COLEC12: variants seen among roughly 807,000 people sequenced by gnomAD.
The protein encoded by COLEC12 is collectin-12.
In COLEC12, 33 loss-of-function variants were observed where a neutral mutation model predicts 71.1. The ratio of observed to expected loss-of-function variants is 0.46; its 90% confidence interval spans 0.35 to 0.62. The LOEUF is 0.62. Ranked by LOEUF, COLEC12 falls within the 20% of genes least tolerant of loss-of-function variation. The probability of loss-of-function intolerance (pLI) is 0.00; values close to 1 mark genes in which losing one functional copy is unlikely to be tolerated. For missense variants in COLEC12, 765 were observed against 916.1 expected (o/e 0.84, Z 2.13); for synonymous variants, 350 against 353.0 (o/e 0.99, Z 0.10).
intron 2 of COLEC12, among the ~76,000 whole-genome samples, chr18:432,528 T>G (rs542073836): frequency 8.5e-5 from 13 of 152,284 alleles, no homozygotes; most frequent in Admixed American, 7.2e-4. Flanking sequence ...CCAACCTAAT[T>G]GATACATTAG....
At position 468,605 on chromosome 18, in the gene COLEC12, T is replaced by C. The variant is rs146266062; in HGVS notation, c.58+12102A>G. Among the ~76,000 whole-genome samples the C allele has an allele frequency of 3.7e-3, 559 of 152,354 alleles. 4 individuals are homozygous for C. Among genetic ancestry groups the C allele is most frequent in the African/African-American group, 0.013 (538 of 41,582 alleles). The stretch of plus-strand genomic sequence containing the variant: ...AAATGAAATGCTGAACTCATTTTTT[T>C]TGGTAAACTTTAATTCCCCATCTTT... On this transcript the variant is annotated intron_variant, in intron 2 of 9. Coordinates refer to ENST00000400256, the MANE Select transcript of COLEC12 (RefSeq NM_130386.3).
chr18:472,805 G>A (rs1459078469), intron 2 of COLEC12, among the ~76,000 whole-genome samples: 1 of 151,890 alleles, frequency 6.6e-6, no homozygotes, highest in East Asian at 1.9e-4. Flanking sequence ...ATAGGAGGGA[G>A]GGCAGTAAGA....
chr18:478,596 G>C (rs1283157573), intron 2 of COLEC12, among the ~76,000 whole-genome samples: 9 of 152,168 alleles, frequency 5.9e-5, no homozygotes, highest in Admixed American at 5.9e-4. Context: ...CTGAATGACA[G>C]AGCAAGACTC....
chr18:337,221 G>A (rs563991819), intron 5 of COLEC12, among the ~76,000 whole-genome samples: 1 of 151,694 alleles, frequency 6.6e-6, no homozygotes, highest in East Asian at 1.9e-4. Flanking sequence ...GGATAGAAGT[G>A]CTGGAGCAAT....
At chr18:322,765 G>A (rs1331255010) in intron 8 of COLEC12, among the ~76,000 whole-genome samples, 6 of 152,112 alleles carry the variant, frequency 3.9e-5, no homozygotes, top group Non-Finnish European at 8.8e-5. Flanking sequence ...GCCACAGGGT[G>A]TCCTCGGGTC....
intron 2 of COLEC12, among the ~76,000 whole-genome samples, chr18:406,134 G>C (rs1915780255): frequency 1.3e-5 from 2 of 152,078 alleles, no homozygotes. Flanking sequence ...GCAACATCAG[G>C]AAGTTACTCT....
intron 2 of COLEC12, among the ~76,000 whole-genome samples, chr18:401,271 G>C (rs1213127368): frequency 6.6e-6 from 1 of 152,200 alleles, no homozygotes; most frequent in Non-Finnish European, 1.5e-5. Context: ...AGTTATTCAT[G>C]AGTGAAGTCA....
intron 2 of COLEC12, among the ~76,000 whole-genome samples, chr18:458,192 T>C (rs979513720): frequency 2.0e-5 from 3 of 152,224 alleles, no homozygotes; most frequent in African/African-American, 7.2e-5. Flanking sequence ...TGAGTATTTT[T>C]AAGAATGCTC....
chr18:360,285 T>G (rs1320160393), intron 2 of COLEC12, among the ~76,000 whole-genome samples: 1 of 151,584 alleles, frequency 6.6e-6, no homozygotes, highest in African/African-American at 2.4e-5. Context: ...CGGGTTCAAG[T>G]GATTCTCCTG....
At chr18:444,988 G>A (rs910648775) in intron 2 of COLEC12, among the ~76,000 whole-genome samples, 1 of 152,064 alleles carries the variant, frequency 6.6e-6, no homozygotes, top group Non-Finnish European at 1.5e-5. Flanking sequence ...TTTTCCTTAC[G>A]TATTATTTTT....
In COLEC12 at chr18:384,833, T is replaced by C. The variant is rs138590812; in HGVS notation, c.59-27311A>G. Among the ~76,000 whole-genome samples the C allele has an allele frequency of 2.8e-3, 424 of 152,294 alleles. 2 individuals carry two copies. Among genetic ancestry groups the C allele is most frequent in the African/African-American group, 9.6e-3 (401 of 41,558 alleles). Reference sequence around the variant, plus strand: ...ATTTTGTTGAACTCAGGAGAACAAATCCATCATAAACCTTACCAAATGGAT... The same window carrying C: ...ATTTTGTTGAACTCAGGAGAACAAACCCATCATAAACCTTACCAAATGGAT... On this transcript the variant is annotated intron_variant, in intron 2 of 9. Coordinates refer to ENST00000400256, the MANE Select transcript of COLEC12 (RefSeq NM_130386.3).
intron 2 of COLEC12, among the ~76,000 whole-genome samples, chr18:380,409 C>T (rs1915204605): frequency 6.6e-6 from 1 of 152,120 alleles, no homozygotes; most frequent in Non-Finnish European, 1.5e-5. Flanking sequence ...TCAGGGGTTC[C>T]CTCTTCTAAA....
chr18:366,450 A>C (rs531024878), intron 2 of COLEC12, among the ~76,000 whole-genome samples: 2 of 152,306 alleles, frequency 1.3e-5, no homozygotes, highest in South Asian at 4.1e-4. Context: ...GCTTACTCAC[A>C]GATTTCCTCC....
chr18:496,736 TCATGGCA>T (rs1402264679), intron 1 of COLEC12, among the ~76,000 whole-genome samples: 4 of 152,246 alleles, frequency 2.6e-5, no homozygotes, highest in Non-Finnish European at 5.9e-5. Context: ...CACTGTGTTT[TCATGGCA>T]CCAGCCTCCT....
At chr18:395,999 G>A (rs1196389542) in intron 2 of COLEC12, among the ~76,000 whole-genome samples, 1 of 152,244 alleles carries the variant, frequency 6.6e-6, no homozygotes. Context: ...ACACAATGTG[G>A]TGGAGAGCGC....
intron 2 of COLEC12, among the ~76,000 whole-genome samples, chr18:361,401 C>T (rs1464933029): frequency 6.6e-6 from 1 of 152,188 alleles, no homozygotes; most frequent in African/African-American, 2.4e-5. Context: ...CTTTTCATCT[C>T]AGTGGAAGCT....
At chr18:367,232 C>T (rs1407210517) in intron 2 of COLEC12, among the ~76,000 whole-genome samples, 1 of 152,144 alleles carries the variant, frequency 6.6e-6, no homozygotes, top group Non-Finnish European at 1.5e-5. Context: ...CTGAGCAGGA[C>T]AAATCTCAGT....
intron 5 of COLEC12, among the ~76,000 whole-genome samples, chr18:345,654 G>T (rs1205355447): frequency 1.3e-5 from 2 of 152,188 alleles, no homozygotes; most frequent in Non-Finnish European, 2.9e-5. Context: ...CAAAAGACTT[G>T]ATCTTGCTTT....
At position 327,590 on chromosome 18, in the gene COLEC12, T is replaced by C. The variant is rs1225264603; in HGVS notation, c.2063+4078A>G. On this transcript the variant is annotated intron_variant, in intron 8 of 9. Transcript: ENST00000400256. The surrounding 1 kb of genome is among the most constrained non-coding windows in gnomAD (Gnocchi z 4.0). ...GCTTCTGTTCCATGTCACTATTGCC[T>C]TCTGTCTGTTCCAGCACTCTCTTTC... Among the ~76,000 whole-genome samples the C allele has an allele frequency of 6.6e-6, 1 of 152,226 alleles. No individual in the cohort carries two copies. The highest frequency in any genetic ancestry group is 2.4e-5 in the African/African-American group (1 of 41,454).
Sources: allele counts gnomAD v4.1 joint callset (sites outside exome capture counted in the v4.1 genomes callset), GRCh38; gene constraint gnomAD v4.1.1; non-coding constraint Gnocchi (gnomAD v3.1); transcripts MANE v1.5; gene names NCBI Gene and HGNC (gene_info 2026-07-23, HGNC 2026-07-21).